The following SNED1 variants were observed in gnomAD, a reference collection of about 807,000 sequenced individuals.
SNED1 encodes the protein sushi, nidogen and EGF like domains 1, also known as sushi, nidogen and EGF-like domain-containing protein 1.
A neutral mutation model predicts 166.7 loss-of-function variants in SNED1; 81 were observed. The ratio of observed to expected loss-of-function variants is 0.49; its 90% CI spans 0.41 to 0.58. SNED1 has a LOEUF of 0.58. Ranked by LOEUF, SNED1 falls within the 20% of genes least tolerant of loss-of-function variation. The probability of loss-of-function intolerance (pLI) is 0.00; values close to 1 mark genes in which losing one functional copy is unlikely to be tolerated. For missense variants in SNED1, 1,604 were observed against 2,000.2 expected (o/e 0.80, Z 3.78); for synonymous variants, 762 against 822.0 (o/e 0.93, Z 1.25).
In SNED1 at chr2:241,049,012, TTCTC is replaced by T; in HGVS notation, c.1505-6_1505-3del. The T allele has an allele frequency of 1.9e-6, 3 of 1,605,026 alleles. No homozygotes were observed. In the South Asian group the frequency reaches 3.3e-5, roughly 18 times the overall value. ...GGAATATGGGATGGGGCTTCCTCCT[TTCTC>T]TCTAGAAATCACAGCCATGCCCTGC... On this transcript the variant is annotated splice_region_variant and splice_polypyrimidine_tract_variant and intron_variant, in intron 10 of 31. Transcript: ENST00000310397.
chr2:241,051,053 G>A lies in SNED1; in HGVS notation c.1736-691G>A, dbSNP rs1250230541. Among the ~76,000 whole-genome samples, 2 of 152,186 alleles carry A rather than the reference G, an allele frequency of 1.3e-5. No homozygotes were observed. The highest frequency in any genetic ancestry group is 2.9e-5 in the Non-Finnish European group (2 of 68,028). Reference sequence around the variant, plus strand: ...TCAGGGGTGGGGCAGCCAGAGCTTGGACCTGCAGCGTGGGATGGCTGGCAG... The same window carrying A: ...TCAGGGGTGGGGCAGCCAGAGCTTGAACCTGCAGCGTGGGATGGCTGGCAG... On this transcript the variant is annotated intron_variant, in intron 12 of 31. Coordinates refer to ENST00000310397, the MANE Select transcript of SNED1 (RefSeq NM_001080437.3). The surrounding 1 kb of genome is among the most constrained non-coding windows in gnomAD (Gnocchi z 4.7).
At chr2:241,057,302 C>A (rs1299869970) in intron 16 of SNED1, among the ~76,000 whole-genome samples, 1 of 150,816 alleles carries the variant, frequency 6.6e-6, no homozygotes, top group African/African-American at 2.5e-5. Flanking sequence ...TTGCTTGAAC[C>A]TCGGAGGCGG....
chr2:241,095,141 C>T lies in SNED1; in HGVS notation c.*3505C>T, dbSNP rs1288169587. 1.3e-5 allele frequency: 2 copies of T among 151,038 alleles called. No homozygotes were observed. The highest frequency in any genetic ancestry group is 2.9e-5 in the Non-Finnish European group (2 of 68,008). The allele number at this position is 151,038 out of a possible 1,614,324, so 9.4% of individuals were successfully genotyped here. On this transcript the variant is annotated 3_prime_UTR_variant, in exon 32 of 32. Transcript: ENST00000310397. ...TGGCTTCAGCCCACCTGCTCCATGA[C>T]CCTATGCTCTTCTCCTCTGGTTCTC...
intron 4 of SNED1, among the ~76,000 whole-genome samples, chr2:241,036,497 G>A (rs539943164): frequency 6.6e-6 from 1 of 152,188 alleles, no homozygotes; most frequent in South Asian, 2.1e-4. Flanking sequence ...CCTGTCCACG[G>A]CAGCGCTGAG....
chr2:241,062,060 T>TC (rs1436205780), intron 16 of SNED1, among the ~76,000 whole-genome samples: 1 of 152,214 alleles, frequency 6.6e-6, no homozygotes, highest in East Asian at 1.9e-4. Flanking sequence ...TATCATGATG[T>TC]ACTATGAATA....
At position 241,053,164 on chromosome 2, in the gene SNED1, G is replaced by T; in HGVS notation, c.2095G>T (p.Gly699Cys). ...GRRCQAEVDC[G>C]PPEEVKHATL... ...GCCGTGCCTTGCAGAGGTGGACTGC[G>T]GCCCCCCGGAGGAGGTGAAGCACGC... The change falls in exon 16 of 32, where the codon GGC (glycine) becomes TGC (cysteine). Residue 699 changes from glycine to cysteine, a missense_variant. Around this residue, in one of 2 missense-constraint regions of SNED1, gnomAD observed 1,237 missense variants for 1,620.8 expected, o/e 0.76. Transcript: ENST00000310397. The T allele has an allele frequency of 6.2e-7, 1 of 1,610,198 alleles. No individual in the cohort carries two copies. The highest frequency in any genetic ancestry group is 8.5e-7 in the Non-Finnish European group (1 of 1,179,146).
chr2:241,065,504 C>T lies in SNED1; in HGVS notation c.2919C>T (p.Gly973=). The change falls in exon 21 of 32, where the codon GGC becomes GGT. Residue 973 remains glycine, a synonymous_variant. Coordinates refer to ENST00000310397, the MANE Select transcript of SNED1 (RefSeq NM_001080437.3). Reference sequence around the variant, plus strand: ...ACCAGCTCCAGGCCCTGGCGGCCGGCAGGGCCTACAACATCTCCGTCTTCT... The same window carrying T: ...ACCAGCTCCAGGCCCTGGCGGCCGGTAGGGCCTACAACATCTCCGTCTTCT... ...SSHQLQALAA[G]RAYNISVFSV... 6.2e-7 allele frequency: 1 copy of T among 1,612,970 alleles called. No individual in the cohort carries two copies. Among genetic ancestry groups the T allele is most frequent in the South Asian group, 1.1e-5 (1 of 91,080 alleles).
At position 241,048,241 on chromosome 2, in the gene SNED1, A is replaced by T. The variant is rs1027953708; in HGVS notation, c.1274-74A>T. 8 of 1,468,472 alleles carry T rather than the reference A, an allele frequency of 5.4e-6. No individual in the cohort carries two copies. In the African/African-American group the frequency reaches 1.1e-4, roughly 21 times the overall value. 91.0% of individuals were successfully genotyped at this position (1,468,472 alleles called of 1,614,324 possible). Reference sequence around the variant, plus strand: ...ACAGAGGTGAAAACCCAAAGGTGCCATTGGAGCTGGGCGGGGAGACCACTC... The same window carrying T: ...ACAGAGGTGAAAACCCAAAGGTGCCTTTGGAGCTGGGCGGGGAGACCACTC... On this transcript the variant is annotated intron_variant, in intron 8 of 31. Transcript: ENST00000310397.
chr2:241,034,400 G>C (rs1248808698), intron 3 of SNED1, among the ~76,000 whole-genome samples, 168 bp from the exon 4 acceptor site: 1 of 152,202 alleles, frequency 6.6e-6, no homozygotes, highest in Non-Finnish European at 1.5e-5. Flanking sequence ...GACTGGGCTG[G>C]GGAGCCAGGG....
rs1278997488 is a variant in SNED1 at position 241,069,749 on chromosome 2, T to C, written c.3308-171T>C. Among the ~76,000 whole-genome samples, 1 of 151,884 alleles carries C rather than the reference T, an allele frequency of 6.6e-6. No individual in the cohort carries two copies. The highest frequency in any genetic ancestry group is 1.5e-5 in the Non-Finnish European group (1 of 67,930). On this transcript the variant is annotated intron_variant, in intron 23 of 31. Coordinates refer to ENST00000310397, the MANE Select transcript of SNED1 (RefSeq NM_001080437.3). This position sits in a 1 kb window ranked among gnomAD's most constrained non-coding sequence, Gnocchi z 4.9. ...GCCTGCAGGTCTCTCGGTTGGAAGA[T>C]TGTGCTGTACGTGCCAGCCCACACC...
Position 240,999,206 on chromosome 2 carries a change from A to G in SNED1, c.213+156A>G, listed in dbSNP as rs1322052889. Among the ~76,000 whole-genome samples, 1 of 149,238 alleles carries G rather than the reference A, an allele frequency of 6.7e-6. No homozygotes were observed. The highest frequency in any genetic ancestry group is 1.5e-5 in the Non-Finnish European group (1 of 67,144). ...GACAGCGCTTCCTCCTCGGCGGCCAAGGCCGGACAGCGGCCCGCGGGAGAG... is the reference window on the plus strand; with the variant it reads ...GACAGCGCTTCCTCCTCGGCGGCCAGGGCCGGACAGCGGCCCGCGGGAGAG... On this transcript the variant is annotated intron_variant, in intron 1 of 31. Transcript: ENST00000310397. The surrounding 1 kb of genome is among the most constrained non-coding windows in gnomAD (Gnocchi z 5.8).
intron 21 of SNED1, among the ~76,000 whole-genome samples, chr2:241,066,017 C>T (rs2062433498): frequency 6.6e-6 from 1 of 152,084 alleles, no homozygotes; most frequent in Admixed American, 6.6e-5. Context: ...GGCACCTGCT[C>T]ACAGGGATAT....
At chr2:241,010,735 C>CT (rs2060366054) in intron 1 of SNED1, 1 of 152,458 alleles carries the variant, frequency 6.6e-6, no homozygotes, top group Non-Finnish European at 1.5e-5. Flanking sequence ...CAACGCAGAG[C>CT]TTTTTCCAGG....
intron 29 of SNED1, among the ~76,000 whole-genome samples, chr2:241,084,760 AT>A (rs1051300901): frequency 1.3e-5 from 2 of 152,052 alleles, no homozygotes; most frequent in African/African-American, 4.8e-5. Flanking sequence ...ATCTGGTATC[AT>A]TTCTCTTTGC....
chr2:241,060,577 A>G (rs1405672040), intron 16 of SNED1, among the ~76,000 whole-genome samples: 2 of 152,208 alleles, frequency 1.3e-5, no homozygotes, highest in Non-Finnish European at 2.9e-5. Flanking sequence ...GAAAAATATT[A>G]TATTGGTTCT....
intron 29 of SNED1, among the ~76,000 whole-genome samples, chr2:241,084,194 T>C (rs2063470976): frequency 6.7e-6 from 1 of 150,252 alleles, no homozygotes; most frequent in Middle Eastern, 3.4e-3. Context: ...TGGAGTGCGA[T>C]GGTGCGATCT....
chr2:241,008,788 G>A (rs1449780120), intron 1 of SNED1, among the ~76,000 whole-genome samples: 1 of 152,258 alleles, frequency 6.6e-6, no homozygotes, highest in Non-Finnish European at 1.5e-5. Context: ...CTGCGGGCCA[G>A]TCAGGGAGCA....
At chr2:241,046,513 C>T (rs1057201858) in intron 8 of SNED1, among the ~76,000 whole-genome samples, 1 of 152,188 alleles carries the variant, frequency 6.6e-6, no homozygotes, top group Non-Finnish European at 1.5e-5. Context: ...TTAGATGGAT[C>T]TCAGGGGAAT....
Position 241,048,671 on chromosome 2 carries a change from A to G in SNED1, c.1409A>G (p.Asp470Gly), listed in dbSNP as rs2061737992. The change falls in exon 10 of 32, where the codon GAT becomes GGT. Residue 470 changes from aspartate to glycine, a missense_variant. Coordinates refer to ENST00000310397, the MANE Select transcript of SNED1 (RefSeq NM_001080437.3). Reference protein sequence around the residue: ...MGLDCRERVPDDCECRNGGRC... With the variant: ...MGLDCRERVPGDCECRNGGRC... ...CCTCTCTTCGTGGCAGGAGTCCCCG[A>G]TGACTGTGAGTGCCGCAACGGAGGC... 6.2e-7 allele frequency: 1 copy of G among 1,610,338 alleles called. No homozygotes were observed. Among genetic ancestry groups the G allele is most frequent in the South Asian group, 1.1e-5 (1 of 90,016 alleles).
Sources: allele counts gnomAD v4.1 joint callset (sites outside exome capture counted in the v4.1 genomes callset), GRCh38; gene constraint gnomAD v4.1.1; regional missense constraint gnomAD v4.1.1; non-coding constraint Gnocchi (gnomAD v3.1); transcripts MANE v1.5; gene names NCBI Gene and HGNC (gene_info 2026-07-23, HGNC 2026-07-21).